PLAAT5: variants seen among roughly 807,000 people sequenced by gnomAD.
The protein encoded by PLAAT5 is phospholipase A and acyltransferase 5.
Under a neutral mutation model 27.8 loss-of-function variants are expected in PLAAT5, and 27 were observed. The observed-to-expected ratio is 0.97, with a 90% CI of 0.72 to 1.34. The LOEUF (loss-of-function observed/expected upper bound fraction) is 1.34, where lower values mean the gene tolerates loss of function less well. PLAAT5 is among the 40% of genes most tolerant of loss of function. The pLI is 0.00. For missense variants in PLAAT5, 368 were observed against 343.8 expected (o/e 1.07, Z -0.56); for synonymous variants, 125 against 136.1 (o/e 0.92, Z 0.57).
chr11:63,481,409 C>T (rs1293023179), intron 3 of PLAAT5, among the ~76,000 whole-genome samples: 1 of 152,152 alleles, frequency 6.6e-6, no homozygotes, highest in African/African-American at 2.4e-5. Context: ...CATTGCACTC[C>T]AGCCTGGGTG....
At chr11:63,472,368 G>A (rs2016049430) in intron 3 of PLAAT5, among the ~76,000 whole-genome samples, 1 of 152,208 alleles carries the variant, frequency 6.6e-6, no homozygotes, top group Non-Finnish European at 1.5e-5. Context: ...GCATGCGTCA[G>A]TTACTCCATT....
At chr11:63,472,866 G>A (rs1050060041) in intron 3 of PLAAT5, among the ~76,000 whole-genome samples, 4 of 152,110 alleles carry the variant, frequency 2.6e-5, no homozygotes, top group Admixed American at 2.6e-4. Context: ...CACTTTGGGA[G>A]GCCAAGGTGG....
At chr11:63,471,957 G>A (rs1038324953) in intron 3 of PLAAT5, among the ~76,000 whole-genome samples, 5 of 152,096 alleles carry the variant, frequency 3.3e-5, no homozygotes, top group African/African-American at 4.8e-5. Flanking sequence ...ACCAAACACC[G>A]CATGTTCTCA....
chr11:63,484,353 C>T (rs1206116879), intron 3 of PLAAT5, among the ~76,000 whole-genome samples: 1 of 151,366 alleles, frequency 6.6e-6, no homozygotes, highest in East Asian at 1.9e-4. Context: ...AAGAAAACTA[C>T]AGACCAATAT....
intron 3 of PLAAT5, among the ~76,000 whole-genome samples, chr11:63,476,120 T>C (rs1367970558): frequency 1.3e-5 from 2 of 152,130 alleles, no homozygotes; most frequent in Non-Finnish European, 2.9e-5. Context: ...TCTGGTGTCA[T>C]TGATCTAATA....
intron 4 of PLAAT5, among the ~76,000 whole-genome samples, chr11:63,467,224 A>T (rs551545605): frequency 6.6e-6 from 1 of 152,352 alleles, no homozygotes; most frequent in Admixed American, 6.5e-5. Flanking sequence ...TTCAGCATTC[A>T]GGAGCAGAAA....
chr11:63,474,355 T>G (rs2120266449), intron 3 of PLAAT5, among the ~76,000 whole-genome samples: 1 of 152,314 alleles, frequency 6.6e-6, no homozygotes, highest in South Asian at 2.1e-4. Context: ...GAAAAGATTT[T>G]TATTTACTAA....
chr11:63,488,909 G>A lies in PLAAT5; in HGVS notation c.307C>T (p.Pro103Ser), dbSNP rs1384368009. ...TTTATTAACTTGCCTTCATTCTCAG[G>A]CTTTGGAATTGAACTCCAGTCTGCT... The part of the protein sequence containing the change: ...QKADWSSIPK[P>S]ENEGKLIKQA... Residue 103 changes from proline (P) to serine (S), a missense_variant, in exon 3 of 6, where the codon CCT (proline) becomes TCT (serine). Transcript: ENST00000540857. 2.5e-6 allele frequency: 4 copies of A among 1,613,648 alleles called. No individual in the cohort carries two copies. Among genetic ancestry groups the A allele is most frequent in the Non-Finnish European group, 3.4e-6 (4 of 1,179,722 alleles).
intron 3 of PLAAT5, among the ~76,000 whole-genome samples, chr11:63,473,511 A>G (rs376673670): frequency 7.3e-5 from 11 of 151,486 alleles, no homozygotes; most frequent in African/African-American, 2.2e-4. Flanking sequence ...TATGTGATTG[A>G]CTCCTTAGGA....
intron 3 of PLAAT5, among the ~76,000 whole-genome samples, chr11:63,471,455 G>A (rs936186159): frequency 4.6e-5 from 7 of 152,122 alleles, no homozygotes; most frequent in Non-Finnish European, 8.8e-5. Flanking sequence ...TATTGTTTAT[G>A]TGAAAGCATG....
intron 3 of PLAAT5, among the ~76,000 whole-genome samples, chr11:63,479,110 C>G (rs1472620299): frequency 3.3e-5 from 5 of 152,170 alleles, no homozygotes; most frequent in African/African-American, 9.7e-5. Context: ...GGATATCCCC[C>G]ACCATAAATC....
intron 3 of PLAAT5, among the ~76,000 whole-genome samples, chr11:63,480,702 A>T (rs1033864650): frequency 3.0e-4 from 46 of 152,192 alleles, no homozygotes; most frequent in African/African-American, 1.1e-3. Context: ...AGGTGCAGCC[A>T]AGGTTGCGGT....
chr11:63,466,500 A>G, intron 4 of PLAAT5, 128 bp from the exon 5 acceptor site: 1 of 946,594 alleles, frequency 1.1e-6, no homozygotes, highest in East Asian at 2.6e-5. Flanking sequence ...GTGGCAGAAG[A>G]GGGGAAGTTG....
chr11:63,469,124 G>GTT (rs1266114925), intron 3 of PLAAT5, among the ~76,000 whole-genome samples: 6 of 145,774 alleles, frequency 4.1e-5, no homozygotes, highest in African/African-American at 1.4e-4. Context: ...GTGTGTGTGT[G>GTT]TGTGTGTGTG....
Position 63,490,297 on chromosome 11 carries a change from G to A in PLAAT5, c.185C>T (p.Pro62Leu). 1.2e-6 allele frequency: 2 copies of A among 1,614,180 alleles called. No individual in the cohort carries two copies. The highest frequency in any genetic ancestry group is 1.7e-6 in the Non-Finnish European group (2 of 1,180,034). ...SVGFAALVQLPAKQPPPGTLE... is the reference protein window; with the variant it reads ...SVGFAALVQLLAKQPPPGTLE... ...TGTGCCCGGCGGAGGCTGCTTGGCT[G>A]GGAGCTGGACCAACGCTGCGAATCC... The change falls in exon 2 of 6, where the codon CCA (proline) becomes CTA (leucine). Residue 62 changes from proline to leucine, a missense_variant. Transcript: ENST00000540857.
intron 5 of PLAAT5, 141 bp downstream of exon 5, chr11:63,465,969 A>T (rs1237524920): frequency 2.3e-6 from 2 of 887,040 alleles, no homozygotes; most frequent in Admixed American, 2.9e-5. Context: ...CCTGAACCAT[A>T]AAGTCCTGCA....
At chr11:63,474,081 T>G (rs2016096310) in intron 3 of PLAAT5, among the ~76,000 whole-genome samples, 2 of 152,174 alleles carry the variant, frequency 1.3e-5, no homozygotes, top group Admixed American at 6.5e-5. Context: ...TGTATAATCA[T>G]TTTTATATTC....
chr11:63,490,554 G>A (rs762462643), intron 1 of PLAAT5: 2 of 705,756 alleles, frequency 2.8e-6, no homozygotes, highest in East Asian at 5.4e-5. Flanking sequence ...TCCTGGGAAC[G>A]GAATCGGGGA....
chr11:63,466,064 A>C (rs763946370), intron 5 of PLAAT5, 46 bp downstream of exon 5: 2 of 1,587,200 alleles, frequency 1.3e-6, no homozygotes, highest in Non-Finnish European at 1.7e-6. Context: ...GACAAACCCC[A>C]AGAAAGCTCT....
Sources: gnomAD v4.1 joint callset for allele counts (sites outside exome capture counted in the v4.1 genomes callset) on GRCh38, gnomAD v4.1.1 for gene constraint, MANE v1.5 for transcripts, NCBI Gene and HGNC (gene_info 2026-07-23, HGNC 2026-07-21) for gene names.